Variants in TTC13 observed in about 807,000 individuals in gnomAD.
TTC13 encodes tetratricopeptide repeat protein 13.
Under a neutral mutation model 120.0 loss-of-function variants are expected in TTC13, and 62 were observed. The observed-to-expected ratio is 0.52, with a 90% CI of 0.42 to 0.64. The LOEUF (loss-of-function observed/expected upper bound fraction) is 0.64, where lower values mean the gene tolerates loss of function less well. Ranked by LOEUF, TTC13 falls within the 30% of genes least tolerant of loss-of-function variation. The pLI is 0.00. For synonymous variants in TTC13, 384 were observed against 393.5 expected (o/e 0.98, Z 0.28); for missense variants, 824 against 1,050.2 (o/e 0.78, Z 2.98).
intron 8 of TTC13, chr1:230,936,183 C>G (rs1421009271): frequency 4.4e-6 from 2 of 456,230 alleles, no homozygotes; most frequent in Non-Finnish European, 8.8e-6. Context: ...CACAGTTCTT[C>G]AAAGTCTGAT....
chr1:230,919,050 TTC>T (rs976724028), intron 17 of TTC13, among the ~76,000 whole-genome samples: 1 of 152,176 alleles, frequency 6.6e-6, no homozygotes, highest in Non-Finnish European at 1.5e-5. Flanking sequence ...ATCAAATAAT[TTC>T]TGTCCCTTTT....
rs1362867500 is a variant in TTC13 at position 230,945,407 on chromosome 1, ATAGGC to A, written c.556_560del (p.Ala186TrpfsTer7). On this transcript the variant is annotated frameshift_variant, in exon 5 of 23. Transcript: ENST00000366661. LOFTEE classifies it high-confidence loss of function. Reference sequence around the variant, plus strand: ...TACTCACATGTAGTCCCTTCTTTCCATAGGCTATCCCTCGGCCATAAATTGCACTA... The same window carrying A: ...TACTCACATGTAGTCCCTTCTTTCCATATCCCTCGGCCATAAATTGCACTA... 5.6e-6 allele frequency: 9 copies of A among 1,614,006 alleles called. No individual in the cohort carries two copies. The highest frequency in any genetic ancestry group is 7.6e-6 in the Non-Finnish European group (9 of 1,179,980).
intron 3 of TTC13, among the ~76,000 whole-genome samples, chr1:230,955,384 C>T (rs1395476419): frequency 6.6e-6 from 1 of 152,018 alleles, no homozygotes; most frequent in East Asian, 1.9e-4. Context: ...TAAAAATAGG[C>T]CAGGCGTGGT....
intron 1 of TTC13, among the ~76,000 whole-genome samples, chr1:230,975,661 T>G (rs1398788386): frequency 6.6e-6 from 1 of 151,980 alleles, no homozygotes; most frequent in East Asian, 1.9e-4. Flanking sequence ...GCTTTTCAAG[T>G]AAAAAGGTAA....
chr1:230,909,231 AG>A (rs2102723889), intron 20 of TTC13, among the ~76,000 whole-genome samples: 1 of 152,302 alleles, frequency 6.6e-6, no homozygotes, highest in South Asian at 2.1e-4. Flanking sequence ...TGGCCAGGTG[AG>A]GTGGCTCACA....
At chr1:230,972,957 C>T in intron 1 of TTC13, among the ~76,000 whole-genome samples, 1 of 152,208 alleles carries the variant, frequency 6.6e-6, no homozygotes, top group East Asian at 1.9e-4. Context: ...ATCACAATCT[C>T]TTCATCACTC....
rs752000634 is a variant in TTC13 at position 230,916,265 on chromosome 1, T to A, written c.2021A>T (p.Asn674Ile). ...NTKTKDGFTVNTKVPSLKDQG... is the reference protein window; with the variant it reads ...NTKTKDGFTVITKVPSLKDQG... ...GTCTTTAAGGCTGGGAACTTTTGTGTTCACGGTGAACCCATCCTTCGTTTT... is the reference window on the plus strand; with the variant it reads ...GTCTTTAAGGCTGGGAACTTTTGTGATCACGGTGAACCCATCCTTCGTTTT... The change falls in exon 18 of 23, where the codon AAC (asparagine) becomes ATC (isoleucine). Residue 674 changes from asparagine to isoleucine, a missense_variant. By Grantham distance (149) the Asn-to-Ile change is moderately radical. Transcript: ENST00000366661. 6.2e-6 allele frequency: 10 copies of A among 1,614,204 alleles called. No individual in the cohort carries two copies. The South Asian group carries it at 7.7e-5, about 12-fold the overall frequency.
chr1:230,915,957 T>A (rs1021608174), intron 18 of TTC13, among the ~76,000 whole-genome samples: 1 of 152,116 alleles, frequency 6.6e-6, no homozygotes, highest in African/African-American at 2.4e-5. Context: ...AACTACATCA[T>A]ACATAGTATC....
At chr1:230,925,051 A>T in intron 13 of TTC13, 78 bp from the exon 14 acceptor site, 5 of 1,540,684 alleles carry the variant, frequency 3.2e-6, no homozygotes, top group Non-Finnish European at 4.5e-6. Context: ...AGTCTCAGTG[A>T]TAACTCAAGA....
At chr1:230,937,779 C>T (rs765018357) in intron 8 of TTC13, among the ~76,000 whole-genome samples, 36 of 152,274 alleles carry the variant, frequency 2.4e-4, no homozygotes, top group Non-Finnish European at 4.4e-4. Flanking sequence ...TTAAAGCTTA[C>T]AAAGTACTTT....
chr1:230,949,987 CAAG>C (rs1461268917), intron 4 of TTC13, among the ~76,000 whole-genome samples: 1 of 152,158 alleles, frequency 6.6e-6, no homozygotes, highest in African/African-American at 2.4e-5. Flanking sequence ...TCCTAACAGT[CAAG>C]AAGGACATAT....
chr1:230,939,575 A>G, intron 7 of TTC13, 79 bp from the exon 8 acceptor site: 1 of 966,566 alleles, frequency 1.0e-6, no homozygotes, highest in East Asian at 2.5e-5. Context: ...TGGCTGGTAG[A>G]GAAAAAAAAT....
intron 4 of TTC13, among the ~76,000 whole-genome samples, chr1:230,952,925 G>T (rs1675728184): frequency 6.6e-6 from 1 of 151,966 alleles, no homozygotes; most frequent in South Asian, 2.1e-4. Context: ...CAACCACAAT[G>T]GTAATAACAT....
At chr1:230,921,376 C>T (rs1302330954) in intron 16 of TTC13, 45 bp downstream of exon 16, 4 of 1,121,528 alleles carry the variant, frequency 3.6e-6, no homozygotes, top group Non-Finnish European at 5.3e-6. Flanking sequence ...ATATAAAACA[C>T]ATGAAATCAA....
At chr1:230,961,081 A>G (rs1246015052) in intron 2 of TTC13, 128 bp downstream of exon 2, 4 of 638,864 alleles carry the variant, frequency 6.3e-6, no homozygotes, top group African/African-American at 1.8e-5. Context: ...CAGACGACCT[A>G]TCTTTATCCT....
intron 8 of TTC13, among the ~76,000 whole-genome samples, chr1:230,934,171 T>G (rs1673825767): frequency 1.3e-5 from 2 of 152,148 alleles, no homozygotes; most frequent in Non-Finnish European, 1.5e-5. Flanking sequence ...TCATTTCACC[T>G]TCATATTATT....
intron 1 of TTC13, among the ~76,000 whole-genome samples, chr1:230,975,087 A>G (rs1572316495): frequency 6.6e-6 from 1 of 152,160 alleles, no homozygotes; most frequent in East Asian, 1.9e-4. Context: ...GATTAAAAAC[A>G]GCATTGGCCA....
intron 22 of TTC13, among the ~76,000 whole-genome samples, chr1:230,907,392 G>C (rs2102712892): frequency 6.6e-6 from 1 of 152,342 alleles, no homozygotes; most frequent in South Asian, 2.1e-4. Flanking sequence ...CTGTCACAGG[G>C]ACAGTGTTCT....
At chr1:230,909,894 C>T (rs1671333354) in intron 20 of TTC13, among the ~76,000 whole-genome samples, 1 of 150,638 alleles carries the variant, frequency 6.6e-6, no homozygotes, top group African/African-American at 2.4e-5. Flanking sequence ...GTGTGCAGGT[C>T]TGGGGTAGGA....
Sources: gnomAD v4.1 joint callset for allele counts (sites outside exome capture counted in the v4.1 genomes callset) on GRCh38, gnomAD v4.1.1 for gene constraint, MANE v1.5 for transcripts, NCBI Gene and HGNC (gene_info 2026-07-23, HGNC 2026-07-21) for gene names.